R3HDM1: variants seen among roughly 807,000 people sequenced by gnomAD.
R3HDM1 encodes R3H domain containing 1.
Under a neutral mutation model 141.1 loss-of-function variants are expected in R3HDM1, and 46 were observed. The observed-to-expected ratio is 0.33, with a 90% CI of 0.26 to 0.42. R3HDM1 has a LOEUF of 0.42. Among genes scored for constraint, R3HDM1 ranks in the 10% least tolerant of loss-of-function variants. R3HDM1 has a pLI of 1.00. For missense variants in R3HDM1, 1,184 were observed against 1,368.3 expected (o/e 0.87, Z 2.12); for synonymous variants, 435 against 472.9 (o/e 0.92, Z 1.04).
chr2:135,576,947 A>G, intron 1 of R3HDM1: 1 of 280,124 alleles, frequency 3.6e-6, no homozygotes, highest in Non-Finnish European at 5.4e-6. Context: ...ACACAACTGT[A>G]TGAATATACT....
At chr2:135,548,430 T>C (rs1699186466) in intron 1 of R3HDM1, among the ~76,000 whole-genome samples, 2 of 152,236 alleles carry the variant, frequency 1.3e-5, no homozygotes, top group Admixed American at 1.3e-4. Flanking sequence ...TAAAGGCACA[T>C]ATGCATTTAG....
intron 19 of R3HDM1, among the ~76,000 whole-genome samples, chr2:135,663,238 G>C (rs1466110194): frequency 6.6e-6 from 1 of 151,886 alleles, no homozygotes; most frequent in African/African-American, 2.4e-5. Flanking sequence ...GTTTATCATT[G>C]GTCATATTTT....
intron 1 of R3HDM1, among the ~76,000 whole-genome samples, chr2:135,594,807 C>T (rs1360660790): frequency 6.6e-6 from 1 of 152,160 alleles, no homozygotes; most frequent in Non-Finnish European, 1.5e-5. Flanking sequence ...CCTCTAGCCT[C>T]TCCCCATCTT....
chr2:135,690,737 T>G (rs200062242), intron 21 of R3HDM1, among the ~76,000 whole-genome samples: 1 of 145,718 alleles, frequency 6.9e-6, no homozygotes, highest in Admixed American at 7.0e-5. Flanking sequence ...TTGTTTCTTT[T>G]TTTCTTTTTT....
At position 135,724,585 on chromosome 2, in the gene R3HDM1, T is replaced by C. The variant is rs891139788; in HGVS notation, c.*293T>C. On this transcript the variant is annotated 3_prime_UTR_variant, in exon 27 of 27. Transcript: ENST00000683871. ...TATTTTGTTTTATATTTCTAAATTC[T>C]TGTATCAGATCCAAAGCTCTATTGT... The C allele has an allele frequency of 1.5e-5, 4 of 262,066 alleles. No individual in the cohort carries two copies. Among genetic ancestry groups the C allele is most frequent in the Admixed American group, 5.1e-5 (1 of 19,608 alleles). The allele number at this position is 262,066 out of a possible 1,614,324, so 16.2% of individuals were successfully genotyped here. A position where few individuals can be genotyped will look rare whatever the true frequency, so the allele number is the denominator to read the frequency against.
intron 1 of R3HDM1, chr2:135,583,850 A>C: frequency 1.0e-6 from 1 of 985,460 alleles, no homozygotes; most frequent in Non-Finnish European, 1.2e-6. Flanking sequence ...TTAGATAATT[A>C]AATTTCTGAT....
chr2:135,600,389 C>T (rs555415554), intron 1 of R3HDM1, among the ~76,000 whole-genome samples: 2 of 152,224 alleles, frequency 1.3e-5, no homozygotes, highest in African/African-American at 4.8e-5. Flanking sequence ...CAAATTTAGG[C>T]TCAGCCAACT....
intron 1 of R3HDM1, among the ~76,000 whole-genome samples, chr2:135,542,158 A>T (rs1036162208): frequency 2.0e-5 from 3 of 152,160 alleles, no homozygotes; most frequent in African/African-American, 7.2e-5. Context: ...TTCTACTTGT[A>T]TTGTTAAGTT....
intron 21 of R3HDM1, among the ~76,000 whole-genome samples, chr2:135,692,210 AT>A (rs1215045035): frequency 2.4e-4 from 35 of 145,502 alleles, no homozygotes; most frequent in South Asian, 4.5e-4. Flanking sequence ...ACGCCCAGCC[AT>A]TTTTTTTTTT....
chr2:135,650,963 A>G (rs1410604774), intron 17 of R3HDM1: 2 of 985,332 alleles, frequency 2.0e-6, no homozygotes, highest in Non-Finnish European at 2.4e-6. Flanking sequence ...AACCCTATAT[A>G]ATCATTTCAG....
At position 135,537,742 on chromosome 2, in the gene R3HDM1, C is replaced by T. The variant is rs536911991; in HGVS notation, c.-250+6109C>T. On this transcript the variant is annotated intron_variant, in intron 1 of 26. Transcript: ENST00000683871. ...TGCAGTCTCGGCTCACTGCAACCTC[C>T]GCCTTCTGAGCTCAAGCAATTCTCC... Among the ~76,000 whole-genome samples, 120 of 151,500 alleles carry T rather than the reference C, an allele frequency of 7.9e-4. 1 individual carries two copies. Among genetic ancestry groups the T allele is most frequent in the Middle Eastern group, 6.8e-3 (2 of 292 alleles).
At chr2:135,634,790 T>C (rs1031812530) in intron 9 of R3HDM1, among the ~76,000 whole-genome samples, 11 of 152,220 alleles carry the variant, frequency 7.2e-5, no homozygotes, top group African/African-American at 2.4e-4. Flanking sequence ...AAAAACTACC[T>C]AGGAGTTCAA....
intron 7 of R3HDM1, among the ~76,000 whole-genome samples, chr2:135,630,293 AAAAAAAAAAAAAAAAC>A (rs2062553707): frequency 6.9e-6 from 1 of 145,430 alleles, no homozygotes; most frequent in African/African-American, 2.7e-5. Context: ...AAAAAAAAAA[AAAAAAAAAAAAAAAAC>A]AAAAAAAAAA....
At chr2:135,543,344 G>C (rs1253666748) in intron 1 of R3HDM1, among the ~76,000 whole-genome samples, 1 of 151,472 alleles carries the variant, frequency 6.6e-6, no homozygotes, top group Non-Finnish European at 1.5e-5. Flanking sequence ...CTTTATGCCA[G>C]TGCCACACTG....
intron 7 of R3HDM1, 71 bp from the exon 8 acceptor site, chr2:135,631,647 A>G: frequency 7.7e-7 from 1 of 1,301,136 alleles, no homozygotes. Flanking sequence ...TGTATAAATC[A>G]TAGGCTGTTG....
intron 1 of R3HDM1, among the ~76,000 whole-genome samples, chr2:135,571,893 T>C (rs1444917083): frequency 6.6e-6 from 1 of 152,206 alleles, no homozygotes; most frequent in East Asian, 1.9e-4. Context: ...CCCAGAATGC[T>C]AGAATTATAG....
chr2:135,604,547 T>G (rs1376637082), intron 2 of R3HDM1, among the ~76,000 whole-genome samples: 2 of 152,222 alleles, frequency 1.3e-5, no homozygotes, highest in East Asian at 3.8e-4. Flanking sequence ...TCATCCTGCC[T>G]GACTCCCAAG....
chr2:135,602,378 C>T (rs989305149), intron 1 of R3HDM1, 122 bp from the exon 2 acceptor site: 11 of 656,978 alleles, frequency 1.7e-5, no homozygotes, highest in Admixed American at 4.2e-5. Context: ...TTCTGACTTT[C>T]GTTTAGGAAA....
Position 135,689,723 on chromosome 2 carries a change from C to T in R3HDM1, c.2459+9399C>T, listed in dbSNP as rs75455428. Among the ~76,000 whole-genome samples, 1,161 of 152,216 alleles carry T rather than the reference C, an allele frequency of 7.6e-3. 9 individuals are homozygous for T. Among genetic ancestry groups the T allele is most frequent in the Non-Finnish European group, 0.01 (695 of 68,016 alleles). On this transcript the variant is annotated intron_variant, in intron 21 of 26. Transcript: ENST00000683871. ...AGATTGAGCACAGCCTGATACAAGT[C>T]AACATATACTGTCACTTTAAGCGAG... is the stretch of plus-strand genomic sequence containing the variant.
Sources: allele counts gnomAD v4.1 joint callset (sites outside exome capture counted in the v4.1 genomes callset), GRCh38; gene constraint gnomAD v4.1.1; transcripts MANE v1.5; gene names NCBI Gene and HGNC (gene_info 2026-07-23, HGNC 2026-07-21).